The following PTPRJ variants were observed in gnomAD, a reference collection of about 807,000 sequenced individuals.
PTPRJ encodes the protein receptor-type tyrosine-protein phosphatase eta.
A neutral mutation model predicts 141.3 loss-of-function variants in PTPRJ; 129 were observed. The ratio of observed to expected loss-of-function variants is 0.91; its 90% CI spans 0.79 to 1.06. The LOEUF (loss-of-function observed/expected upper bound fraction) is 1.06. Ranked by LOEUF, PTPRJ falls within the 50% of genes least tolerant of loss-of-function variation. PTPRJ has a pLI of 0.00. For synonymous variants in PTPRJ, 610 were observed against 640.5 expected, an observed-to-expected ratio of 0.95 and a Z score of 0.72; for missense variants, 1,601 against 1,679.7, an observed-to-expected ratio of 0.95 and a Z score of 0.82.
chr11:48,159,644 T>C (rs558367141), intron 21 of PTPRJ, among the ~76,000 whole-genome samples: 10 of 152,328 alleles, frequency 6.6e-5, no homozygotes, highest in African/African-American at 2.4e-4. Context: ...TAGACCCAGC[T>C]ACTTGGGAGG....
At chr11:48,103,436 G>A (rs899685150) in intron 1 of PTPRJ, among the ~76,000 whole-genome samples, 77 of 152,110 alleles carry the variant, frequency 5.1e-4, no homozygotes, top group African/African-American at 1.8e-3. Context: ...TCTGGCCTGG[G>A]CCACAGAGTG....
chr11:48,146,520 G>A (rs541470925), intron 14 of PTPRJ, among the ~76,000 whole-genome samples: 1 of 152,270 alleles, frequency 6.6e-6, no homozygotes, highest in Non-Finnish European at 1.5e-5. Flanking sequence ...CTCATATGTG[G>A]GTGCTAGTCT....
At chr11:47,989,796 C>A (rs1174669162) in intron 1 of PTPRJ, among the ~76,000 whole-genome samples, 2 of 152,032 alleles carry the variant, frequency 1.3e-5, no homozygotes, top group African/African-American at 4.8e-5. Context: ...ATAAATAAGA[C>A]CCTAGGGTGG....
intron 2 of PTPRJ, among the ~76,000 whole-genome samples, chr11:48,111,047 C>A (rs1027528018): frequency 2.0e-5 from 3 of 152,134 alleles, no homozygotes; most frequent in African/African-American, 7.2e-5. Context: ...GAGGCTGAGG[C>A]AGGTGGATCA....
Position 48,145,119 on chromosome 11 carries a change from A to T in PTPRJ, c.2906A>T (p.Asp969Val). Residue 969 changes from aspartate (D) to valine (V), a missense_variant, in exon 14 of 25, where the codon GAT becomes GTT. By Grantham distance (152) the Asp-to-Val change is radical (BLOSUM62 -3). Transcript: ENST00000418331. The stretch of plus-strand genomic sequence containing the variant: ...TCAGATGCTGTTTCCTTGCCCCAGG[A>T]TCCAGGTAGGGAGAAGACAACAGTC... The part of the protein sequence containing the change: ...RYSDAVSLPQ[D>V]PGVICGAVFG... 2 of 1,613,876 alleles carry T rather than the reference A, an allele frequency of 1.2e-6. No individual in the cohort carries two copies. The highest frequency in any genetic ancestry group is 1.7e-6 in the Non-Finnish European group (2 of 1,180,000).
intron 1 of PTPRJ, chr11:48,046,332 G>A (rs1191014924): frequency 2.0e-5 from 3 of 152,208 alleles, no homozygotes; most frequent in Non-Finnish European, 4.4e-5. Context: ...GGGATTACAG[G>A]TATGAGCCAC....
In PTPRJ at chr11:48,146,918, T is replaced by A. The variant is rs748512830; in HGVS notation, c.2954T>A (p.Leu985Gln). Reference sequence around the variant, plus strand: ...GTTTTTGGCTGTATCTTTGGTGCCCTGGTTATTGTGACTGTGGGAGGCTTC... The same window carrying A: ...GTTTTTGGCTGTATCTTTGGTGCCCAGGTTATTGTGACTGTGGGAGGCTTC... ...GAVFGCIFGA[L>Q]VIVTVGGFIF... The change falls in exon 15 of 25, where the codon CTG becomes CAG. Residue 985 changes from leucine (L) to glutamine (Q), a missense_variant. Coordinates refer to ENST00000418331, the MANE Select transcript of PTPRJ (RefSeq NM_002843.4). 1.2e-5 allele frequency: 20 copies of A among 1,614,160 alleles called. No homozygotes were observed. In the South Asian group the frequency reaches 2.1e-4, roughly 17 times the overall value.
At chr11:48,054,389 A>T (rs1245109169) in intron 1 of PTPRJ, among the ~76,000 whole-genome samples, 1 of 152,184 alleles carries the variant, frequency 6.6e-6, no homozygotes, top group Non-Finnish European at 1.5e-5. Context: ...TATGAAGGAG[A>T]GGTCATCTTG....
At chr11:48,149,719 T>G in intron 16 of PTPRJ, 1 of 535,370 alleles carries the variant, frequency 1.9e-6, no homozygotes, top group Non-Finnish European at 3.3e-6. Context: ...AATACGGATT[T>G]CTTGATTAAA....
Position 48,121,186 on chromosome 11 carries a change from C to T in PTPRJ, c.536C>T (p.Ala179Val), listed in dbSNP as rs757842939. ...TGTAACATCACAGGCTTACGTCCAG[C>T]GACTTCATATGTATTCTCCATCACT... ...PWCNITGLRP[A>V]TSYVFSITPG... The change falls in exon 4 of 25, where the codon GCG becomes GTG. Residue 179 changes from alanine to valine, a missense_variant. By Grantham distance (64) the Ala-to-Val change is moderately conservative. Coordinates refer to ENST00000418331, the MANE Select transcript of PTPRJ (RefSeq NM_002843.4). 1.7e-5 allele frequency: 27 copies of T among 1,613,860 alleles called. No homozygotes were observed. Among genetic ancestry groups the T allele is most frequent in the African/African-American group, 2.7e-5 (2 of 74,882 alleles).
At chr11:48,116,924 G>C (rs1242288472) in intron 3 of PTPRJ, among the ~76,000 whole-genome samples, 1 of 152,028 alleles carries the variant, frequency 6.6e-6, no homozygotes, top group East Asian at 1.9e-4. Flanking sequence ...CTTTAAAATG[G>C]TGCCATAACC....
chr11:47,986,663 C>T (rs554936757), intron 1 of PTPRJ, among the ~76,000 whole-genome samples: 7 of 152,262 alleles, frequency 4.6e-5, no homozygotes, highest in South Asian at 2.1e-4. Flanking sequence ...ACTACAGGCA[C>T]GCTCCGTCAT....
chr11:48,043,193 A>G (rs1400187115), intron 1 of PTPRJ, among the ~76,000 whole-genome samples: 1 of 152,100 alleles, frequency 6.6e-6, no homozygotes, highest in Non-Finnish European at 1.5e-5. Flanking sequence ...AAATGGGGTC[A>G]TATTTAGCCA....
chr11:47,999,554 G>A (rs1854434277), intron 1 of PTPRJ, among the ~76,000 whole-genome samples: 4 of 152,234 alleles, frequency 2.6e-5, no homozygotes, highest in Admixed American at 2.6e-4. Context: ...CACCTGAGAA[G>A]CTTTTGGAAA....
intron 1 of PTPRJ, among the ~76,000 whole-genome samples, chr11:48,073,902 T>C (rs1034291274): frequency 1.3e-5 from 2 of 152,242 alleles, no homozygotes; most frequent in Non-Finnish European, 2.9e-5. Context: ...TGTTTTCTTA[T>C]ATATATTTTA....
Position 48,160,024 on chromosome 11 carries a change from C to T in PTPRJ, c.3533C>T (p.Thr1178Ile), listed in dbSNP as rs776747244. ...TCAGAAATTGTTCTTCCGGAATGGACCATCAGAGATTTCACAGTGAAAAAT... is the reference window on the plus strand; with the variant it reads ...TCAGAAATTGTTCTTCCGGAATGGATCATCAGAGATTTCACAGTGAAAAAT... The part of the protein sequence containing the change: ...MTSEIVLPEW[T>I]IRDFTVKNIQ... The change falls in exon 22 of 25, where the codon ACC becomes ATC. Residue 1178 changes from threonine (T) to isoleucine (I), a missense_variant. By Grantham distance (89) the Thr-to-Ile change is moderately conservative (BLOSUM62 -1). Transcript: ENST00000418331. 8.1e-6 allele frequency: 13 copies of T among 1,613,756 alleles called. No homozygotes were observed. The highest frequency in any genetic ancestry group is 1.0e-5 in the Non-Finnish European group (12 of 1,179,806).
At position 48,125,295 on chromosome 11, in the gene PTPRJ, T is replaced by G. The variant is rs1037722754; in HGVS notation, c.1093+109T>G. 6 of 1,234,706 alleles carry G rather than the reference T, an allele frequency of 4.9e-6. No homozygotes were observed. The Admixed American group carries it at 1.2e-4, about 25-fold the overall frequency. The allele number at this position is 1,234,706 out of a possible 1,614,324, so 76.5% of individuals were successfully genotyped here. On this transcript the variant is annotated intron_variant, in intron 6 of 24. Coordinates refer to ENST00000418331, the MANE Select transcript of PTPRJ (RefSeq NM_002843.4). ...TCTTGCATAACAGCTAGTTTTGATG[T>G]CAGAGGGAGCTTCCTGGAGGAGATT...
At chr11:48,009,865 T>C (rs972630885) in intron 1 of PTPRJ, among the ~76,000 whole-genome samples, 23 of 152,248 alleles carry the variant, frequency 1.5e-4, no homozygotes, top group Admixed American at 1.4e-3. Flanking sequence ...GAGAAAGGGC[T>C]TCATGTGCCG....
chr11:47,985,536 T>C (rs1332692082), intron 1 of PTPRJ, among the ~76,000 whole-genome samples: 3 of 152,064 alleles, frequency 2.0e-5, no homozygotes, highest in African/African-American at 7.2e-5. Context: ...AAAAGAAAAA[T>C]AATTTACTAT....
Sources: gnomAD v4.1 joint callset for allele counts (sites outside exome capture counted in the v4.1 genomes callset) on GRCh38, gnomAD v4.1.1 for gene constraint, MANE v1.5 for transcripts, NCBI Gene and HGNC (gene_info 2026-07-23, HGNC 2026-07-21) for gene names.